The following UGT2B7 variants were observed in gnomAD, a reference collection of about 807,000 sequenced individuals.
UGT2B7 encodes the protein UDP glucuronosyltransferase family 2 member B7, also known as UDP-glucuronosyltransferase 2B7.
Under a neutral mutation model 51.9 loss-of-function variants are expected in UGT2B7, and 51 were observed. The ratio of observed to expected loss-of-function variants is 0.98; its 90% CI spans 0.78 to 1.24. The LOEUF is 1.24. Among genes scored for constraint, UGT2B7 ranks in the 50% most tolerant of loss-of-function variants. The pLI is 0.00. For synonymous variants in UGT2B7, 225 were observed against 211.6 expected (o/e 1.06, Z -0.55); for missense variants, 727 against 628.4 (o/e 1.16, Z -1.68).
At chr4:69,098,770 T>C (rs1719328652) in intron 2 of UGT2B7, 82 bp downstream of exon 2, 1 of 1,569,976 alleles carries the variant, frequency 6.4e-7, no homozygotes, top group South Asian at 1.2e-5. Context: ...TCAGAGTGTT[T>C]GACTTACACT....
intron 5 of UGT2B7, among the ~76,000 whole-genome samples, chr4:69,111,739 T>C (rs1719780412): frequency 6.6e-6 from 1 of 152,192 alleles, no homozygotes; most frequent in South Asian, 2.1e-4. Context: ...TAAAAATGCC[T>C]TATATTTTCT....
intron 1 of UGT2B7, among the ~76,000 whole-genome samples, chr4:69,072,704 C>T (rs1329446121): frequency 6.6e-6 from 1 of 152,088 alleles, no homozygotes; most frequent in Non-Finnish European, 1.5e-5. Flanking sequence ...CTTCTGGCAT[C>T]TACCACCTCA....
At chr4:69,078,471 C>A (rs1718766506) in intron 1 of UGT2B7, among the ~76,000 whole-genome samples, 1 of 152,108 alleles carries the variant, frequency 6.6e-6, no homozygotes, top group Non-Finnish European at 1.5e-5. Flanking sequence ...GCCTCAATTT[C>A]AGAACTTGTT....
At chr4:69,085,948 C>T (rs555549925) in intron 1 of UGT2B7, among the ~76,000 whole-genome samples, 4 of 151,370 alleles carry the variant, frequency 2.6e-5, no homozygotes, top group Admixed American at 6.6e-5. Flanking sequence ...TTAAATTTTA[C>T]GTATTCAATA....
At chr4:69,092,244 C>G (rs1025392248), upstream of UGT2B7, among the ~76,000 whole-genome samples, 2 of 152,128 alleles carry the variant, frequency 1.3e-5, no homozygotes, top group African/African-American at 4.8e-5. Context: ...GGCTTGTAGA[C>G]CCAGTTCTCA....
At chr4:69,064,390 T>C (rs1718444126) in intron 1 of UGT2B7, among the ~76,000 whole-genome samples, 2 of 152,212 alleles carry the variant, frequency 1.3e-5, no homozygotes, top group South Asian at 2.1e-4. Flanking sequence ...ACTTCAAGTA[T>C]TCTGTTTTGT....
intron 1 of UGT2B7, among the ~76,000 whole-genome samples, chr4:69,065,911 A>G (rs1718473991): frequency 6.6e-6 from 1 of 152,156 alleles, no homozygotes; most frequent in African/African-American, 2.4e-5. Context: ...TAAATATTTG[A>G]ACTTTTAATT....
At chr4:69,102,271 T>C (rs2109888276) in intron 2 of UGT2B7, among the ~76,000 whole-genome samples, 1 of 152,218 alleles carries the variant, frequency 6.6e-6, no homozygotes, top group Non-Finnish European at 1.5e-5. Flanking sequence ...TAGAGAAACA[T>C]AAATGTAGAT....
chr4:69,054,353 G>A (rs1357077552), intron 1 of UGT2B7, among the ~76,000 whole-genome samples: 2 of 152,108 alleles, frequency 1.3e-5, no homozygotes, highest in Admixed American at 1.3e-4. Flanking sequence ...GGCAGCAATG[G>A]CCCTGTTACC....
At chr4:69,104,055 G>A (rs1168351697) in intron 3 of UGT2B7, among the ~76,000 whole-genome samples, 8 of 152,110 alleles carry the variant, frequency 5.3e-5, no homozygotes, top group Non-Finnish European at 7.4e-5. Flanking sequence ...TTCGGAGGCC[G>A]AGGCAGGCGA....
At chr4:69,088,949 G>A (rs537011595) in intron 1 of UGT2B7, among the ~76,000 whole-genome samples, 1 of 152,120 alleles carries the variant, frequency 6.6e-6, no homozygotes, top group Non-Finnish European at 1.5e-5. Flanking sequence ...TTGGTGTGTG[G>A]AAGGGGTGCC....
At chr4:69,084,778 C>T (rs1267197854) in intron 1 of UGT2B7, among the ~76,000 whole-genome samples, 1 of 152,120 alleles carries the variant, frequency 6.6e-6, no homozygotes, top group Non-Finnish European at 1.5e-5. Flanking sequence ...TGGTCTGTGT[C>T]CCTACAAAGG....
upstream of UGT2B7, among the ~76,000 whole-genome samples, chr4:69,092,585 A>G (rs1229007332): frequency 1.4e-5 from 2 of 145,594 alleles, no homozygotes; most frequent in African/African-American, 5.7e-5. Flanking sequence ...AGTAAAATAT[A>G]AAATATAAAA....
chr4:69,112,852 A>AG lies in UGT2B7; in HGVS notation c.*116_*117insG. On this transcript the variant is annotated 3_prime_UTR_variant, in exon 6 of 6. Coordinates refer to ENST00000305231, the MANE Select transcript of UGT2B7 (RefSeq NM_001074.4). Reference sequence around the variant, plus strand: ...TTCCTGAGACAAAAAAAAAAAAAGAAAAAAAAATCTTTTCAAAATTTACTT... The same window carrying AG: ...TTCCTGAGACAAAAAAAAAAAAAGAAGAAAAAAATCTTTTCAAAATTTACTT... 1 of 1,332,822 alleles carries AG rather than the reference A, an allele frequency of 7.5e-7. No homozygotes were observed. Among genetic ancestry groups the AG allele is most frequent in the Non-Finnish European group, 9.9e-7 (1 of 1,012,440 alleles). The allele number at this position is 1,332,822 out of a possible 1,614,324, so 82.6% of individuals were successfully genotyped here.
intron 3 of UGT2B7, among the ~76,000 whole-genome samples, chr4:69,106,504 A>G (rs1422020278): frequency 6.6e-6 from 1 of 152,166 alleles, no homozygotes; most frequent in African/African-American, 2.4e-5. Flanking sequence ...CCCATAATCA[A>G]TGGGCATTTA....
chr4:69,091,644 A>T (rs1719088224), upstream of UGT2B7, among the ~76,000 whole-genome samples: 1 of 152,176 alleles, frequency 6.6e-6, no homozygotes, highest in Non-Finnish European at 1.5e-5. Flanking sequence ...GGGAGCTACC[A>T]TCACAGTTTC....
chr4:69,099,788 C>T (rs1409413542), intron 2 of UGT2B7, among the ~76,000 whole-genome samples: 2 of 151,970 alleles, frequency 1.3e-5, no homozygotes, highest in African/African-American at 4.8e-5. Flanking sequence ...ATGTGCTGGT[C>T]ACTTGAGATA....
chr4:69,106,971 A>G (rs564952049), intron 3 of UGT2B7, among the ~76,000 whole-genome samples: 42 of 151,916 alleles, frequency 2.8e-4, no homozygotes, highest in Non-Finnish European at 5.2e-4. Context: ...CTAAGGTACT[A>G]TTTTGGAAAA....
Position 69,108,140 on chromosome 4 carries a change from A to T in UGT2B7, c.1128A>T (p.Gly376=), listed in dbSNP as rs1470253290. The change falls in exon 5 of 6, where the codon GGA becomes GGT. Residue 376 remains glycine, a synonymous_variant. Transcript: ENST00000305231. ...PKTRAFITHG[G]ANGIYEAIYH... is the part of the protein sequence containing the mutation. ...CCAGAGCTTTTATAACTCATGGTGG[A>T]GCCAATGGCATCTACGAGGCAATCT... 1.2e-6 allele frequency: 2 copies of T among 1,613,598 alleles called. No homozygotes were observed. The highest frequency in any genetic ancestry group is 8.5e-7 in the Non-Finnish European group (1 of 1,179,614).
Sources: gnomAD v4.1 joint callset for allele counts (sites outside exome capture counted in the v4.1 genomes callset) on GRCh38, gnomAD v4.1.1 for gene constraint, MANE v1.5 for transcripts, NCBI Gene and HGNC (gene_info 2026-07-23, HGNC 2026-07-21) for gene names.